Variants in MYO3A observed in about 807,000 individuals in gnomAD.
MYO3A encodes myosin IIIA.
In MYO3A, 180 loss-of-function variants were observed where a neutral mutation model predicts 192.7. That is an observed-to-expected ratio of 0.93 (90% CI 0.83 to 1.06). The LOEUF (loss-of-function observed/expected upper bound fraction) is 1.06, where lower values mean the gene tolerates loss of function less well. Ranked by LOEUF, MYO3A falls within the 50% of genes least tolerant of loss-of-function variation. MYO3A has a pLI of 0.00. For missense variants in MYO3A, 1,896 were observed against 1,905.0 expected, an observed-to-expected ratio of 1.00 and a Z score of 0.09; for synonymous variants, 628 against 645.3, an observed-to-expected ratio of 0.97 and a Z score of 0.41.
chr10:26,143,248 T>C (rs571844637), intron 20 of MYO3A, among the ~76,000 whole-genome samples, 200 bp from the exon 21 acceptor site: 1 of 152,258 alleles, frequency 6.6e-6, no homozygotes, highest in South Asian at 2.1e-4. Context: ...GGAGAATTGC[T>C]TGAACCTTGG....
At chr10:25,949,311 A>G (rs892854775) in intron 2 of MYO3A, among the ~76,000 whole-genome samples, 5 of 152,126 alleles carry the variant, frequency 3.3e-5, no homozygotes, top group African/African-American at 1.2e-4. Flanking sequence ...GAGTTAATAT[A>G]TCAGAAATGA....
At chr10:26,176,293 C>CAAAA (rs901523063) in intron 30 of MYO3A, among the ~76,000 whole-genome samples, 12 of 93,398 alleles carry the variant, frequency 1.3e-4, no homozygotes, top group African/African-American at 4.8e-4. Flanking sequence ...GACTCCGTCT[C>CAAAA]AAAAAAAAAA....
In MYO3A at chr10:26,174,019, A is replaced by C; in HGVS notation, c.3755A>C (p.Glu1252Ala). 1 of 1,611,706 alleles carries C rather than the reference A, an allele frequency of 6.2e-7. No individual in the cohort carries two copies. Among genetic ancestry groups the C allele is most frequent in the Non-Finnish European group, 8.5e-7 (1 of 1,179,434 alleles). Residue 1252 changes from glutamate (E) to alanine (A), a missense_variant, in exon 30 of 35, where the codon GAG becomes GCG. Glu to Ala is a moderately radical substitution (Grantham distance 107). Transcript: ENST00000642920. ...QRYTEERNCE[E>A]SKAAYLERKA... ...TACACAGAGGAGAGGAATTGTGAAG[A>C]GTCAAAAGCAGCATATCTAGAAAGG...
chr10:26,095,028 A>G (rs1041386989), intron 15 of MYO3A, among the ~76,000 whole-genome samples: 1 of 152,104 alleles, frequency 6.6e-6, no homozygotes, highest in African/African-American at 2.4e-5. Flanking sequence ...GGAGGGGGTG[A>G]AGGAAAGGAG....
chr10:26,091,952 C>G (rs1836725939), intron 15 of MYO3A, among the ~76,000 whole-genome samples: 1 of 152,190 alleles, frequency 6.6e-6, no homozygotes, highest in Non-Finnish European at 1.5e-5. Flanking sequence ...TGTGGTAACA[C>G]AGCTCACAGT....
intron 18 of MYO3A, 61 bp downstream of exon 18, chr10:26,120,863 G>A: frequency 6.3e-7 from 1 of 1,588,616 alleles, no homozygotes; most frequent in Non-Finnish European, 8.6e-7. Flanking sequence ...CATACCATAA[G>A]TATCACATAA....
intron 8 of MYO3A, chr10:26,022,792 G>C (rs893042542): frequency 6.6e-6 from 1 of 152,174 alleles, no homozygotes; most frequent in African/African-American, 2.4e-5. Context: ...TACTCTTGAT[G>C]ATAATGCCAC....
At chr10:26,178,249 C>T (rs1487515004) in intron 31 of MYO3A, among the ~76,000 whole-genome samples, 4 of 152,154 alleles carry the variant, frequency 2.6e-5, no homozygotes, top group African/African-American at 4.8e-5. Flanking sequence ...CACCCCAGGC[C>T]GCTGCTGGAA....
chr10:25,952,814 A>G (rs952678982), intron 3 of MYO3A, among the ~76,000 whole-genome samples: 2 of 146,134 alleles, frequency 1.4e-5, no homozygotes, highest in Admixed American at 1.4e-4. Flanking sequence ...GTGAAGAATT[A>G]AATTTCATGT....
At chr10:26,202,631 A>G in intron 33 of MYO3A, 1 of 320,786 alleles carries the variant, frequency 3.1e-6, no homozygotes, top group Non-Finnish European at 5.9e-6. Context: ...CCTAAAGGTC[A>G]GTAGTGACTG....
At chr10:26,047,827 A>G (rs1212081531) in intron 10 of MYO3A, among the ~76,000 whole-genome samples, 5 of 152,136 alleles carry the variant, frequency 3.3e-5, no homozygotes, top group Non-Finnish European at 7.4e-5. Flanking sequence ...ACTTACATTT[A>G]CTATTGAGTT....
chr10:26,086,596 T>C (rs1836331009), intron 14 of MYO3A, among the ~76,000 whole-genome samples: 1 of 151,960 alleles, frequency 6.6e-6, no homozygotes, highest in African/African-American at 2.4e-5. Flanking sequence ...TTTGTGACCC[T>C]TTCGGGAGTG....
At chr10:26,004,896 T>A (rs1253752774) in intron 6 of MYO3A, among the ~76,000 whole-genome samples, 1 of 152,190 alleles carries the variant, frequency 6.6e-6, no homozygotes, top group East Asian at 1.9e-4. Context: ...AGAAGAATGC[T>A]GATGAGTAAA....
At chr10:26,109,402 G>T (rs1203152855) in intron 17 of MYO3A, among the ~76,000 whole-genome samples, 1 of 152,216 alleles carries the variant, frequency 6.6e-6, no homozygotes, top group Non-Finnish European at 1.5e-5. Flanking sequence ...AGCATGCTGT[G>T]CTGAGTAGCA....
intron 17 of MYO3A, among the ~76,000 whole-genome samples, chr10:26,104,919 A>G (rs1231996685): frequency 1.3e-5 from 2 of 151,898 alleles, no homozygotes; most frequent in East Asian, 3.9e-4. Context: ...TGACACATGC[A>G]TATATATGGT....
At chr10:25,998,961 G>A (rs1840618053) in intron 6 of MYO3A, among the ~76,000 whole-genome samples, 2 of 152,152 alleles carry the variant, frequency 1.3e-5, no homozygotes, top group Admixed American at 6.5e-5. Context: ...GCAGTGGCAC[G>A]ATCTCGGCTC....
chr10:26,134,936 T>C (rs1323932220), intron 20 of MYO3A, among the ~76,000 whole-genome samples: 2 of 152,208 alleles, frequency 1.3e-5, no homozygotes, highest in East Asian at 1.9e-4. Flanking sequence ...GGACTATATA[T>C]GTCTATGTAG....
At chr10:25,937,221 C>G (rs887186797) in intron 2 of MYO3A, among the ~76,000 whole-genome samples, 2 of 152,176 alleles carry the variant, frequency 1.3e-5, no homozygotes, top group African/African-American at 4.8e-5. Context: ...GGATGAGTTG[C>G]CCACTTTGGG....
chr10:26,097,231 T>C (rs1837094470), intron 17 of MYO3A, among the ~76,000 whole-genome samples: 1 of 152,156 alleles, frequency 6.6e-6, no homozygotes. Flanking sequence ...TCTATCACTA[T>C]AAATCTGCTT....
Sources: gnomAD v4.1 joint callset for allele counts (sites outside exome capture counted in the v4.1 genomes callset) on GRCh38, gnomAD v4.1.1 for gene constraint, MANE v1.5 for transcripts, NCBI Gene and HGNC (gene_info 2026-07-23, HGNC 2026-07-21) for gene names.